The following TTLL13 variants were observed in gnomAD, a reference collection of about 807,000 sequenced individuals.
TTLL13 encodes the protein tubulin polyglutamylase TTLL13.
At chr15:90,256,711 T>C in the TTLL13 span, among the ~76,000 whole-genome samples, 24 of 151,612 alleles carry the variant, frequency 1.6e-4, no homozygotes, top group African/African-American at 5.6e-4. Flanking sequence ...TTTCTTTCGA[T>C]GGAGTCTCTC....
the TTLL13 span, chr15:90,256,237 C>T: frequency 1.4e-5 from 23 of 1,614,050 alleles, no homozygotes; most frequent in South Asian, 2.4e-4. Flanking sequence ...TCTTCATTAC[C>T]CGAAATCCCC....
chr15:90,264,729 C>A, the TTLL13 span: 15 of 1,535,968 alleles, frequency 9.8e-6, no homozygotes, highest in South Asian at 1.8e-4. Context: ...GAAGGACAAG[C>A]CAGCAGAAGG....
At chr15:90,260,153 A>G in the TTLL13 span, among the ~76,000 whole-genome samples, 1 of 152,220 alleles carries the variant, frequency 6.6e-6, no homozygotes, top group Admixed American at 6.5e-5. Flanking sequence ...ACAGTACTGG[A>G]CTAAATAAAC....
At chr15:90,262,073 G>C in the TTLL13 span, 7 of 1,536,024 alleles carry the variant, frequency 4.6e-6, no homozygotes, top group Non-Finnish European at 6.1e-6. Context: ...TTCTCACCTG[G>C]GAAAATACCG....
the TTLL13 span, among the ~76,000 whole-genome samples, chr15:90,255,496 G>T: frequency 6.6e-6 from 1 of 152,170 alleles, no homozygotes; most frequent in Admixed American, 6.5e-5. Flanking sequence ...CACAGTCTTG[G>T]CTAGTTACAT....
the TTLL13 span, chr15:90,263,102 A>T: frequency 6.5e-7 from 1 of 1,535,958 alleles, no homozygotes; most frequent in Non-Finnish European, 8.7e-7. Context: ...ACCCGTCTGC[A>T]GCACCCTGGC....
chr15:90,265,360 C>G, the TTLL13 span: 1 of 1,228,120 alleles, frequency 8.1e-7, no homozygotes, highest in Non-Finnish European at 1.0e-6. Context: ...AGAAGACTGC[C>G]GAGCGGAAGC....
At chr15:90,255,951 G>C in the TTLL13 span, 2 of 1,609,114 alleles carry the variant, frequency 1.2e-6, no homozygotes, top group Admixed American at 3.3e-5. Context: ...TCAGAGCTCT[G>C]GTCTTGTGAC....
At chr15:90,258,147 G>A in the TTLL13 span, 6 of 1,614,236 alleles carry the variant, frequency 3.7e-6, no homozygotes, top group South Asian at 3.3e-5. Flanking sequence ...AGCCCATTCT[G>A]TTCTACGCCA....
the TTLL13 span, chr15:90,264,181 G>A: frequency 1.5e-6 from 1 of 652,888 alleles, no homozygotes; most frequent in South Asian, 1.9e-5. Context: ...GGGAAGTTAG[G>A]GTACCCATTT....
chr15:90,261,882 C>T, the TTLL13 span: 1 of 751,712 alleles, frequency 1.3e-6, no homozygotes, highest in Non-Finnish European at 2.0e-6. Flanking sequence ...GCTTTCCCTA[C>T]TTGGGCAGGG....
chr15:90,255,631 G>A, the TTLL13 span: 36 of 1,425,138 alleles, frequency 2.5e-5, no homozygotes, highest in Non-Finnish European at 3.2e-5. Flanking sequence ...CCTTGGTGCA[G>A]TGCTTACCTC....
At chr15:90,257,414 C>T in the TTLL13 span, 2 of 1,340,550 alleles carry the variant, frequency 1.5e-6, no homozygotes, top group Non-Finnish European at 2.0e-6. Context: ...CAGCATCTAG[C>T]TGGGAGGCAA....
chr15:90,257,932 T>C, the TTLL13 span: 1 of 1,174,644 alleles, frequency 8.5e-7, no homozygotes, highest in Admixed American at 2.2e-5. Context: ...CTAGCAGCCC[T>C]TCAAAGCCCG....
the TTLL13 span, among the ~76,000 whole-genome samples, chr15:90,253,961 A>G: frequency 6.6e-6 from 1 of 152,226 alleles, no homozygotes; most frequent in South Asian, 2.1e-4. Flanking sequence ...CTGTCCCACA[A>G]CTAGTCTTGG....
At chr15:90,262,794 A>T in the TTLL13 span, 1 of 1,222,948 alleles carries the variant, frequency 8.2e-7, no homozygotes, top group Non-Finnish European at 1.1e-6. Context: ...CCTAATCAGT[A>T]AATTGAATCC....
the TTLL13 span, among the ~76,000 whole-genome samples, chr15:90,252,043 CTTT>C: frequency 7.5e-6 from 1 of 133,466 alleles, no homozygotes; most frequent in African/African-American, 2.7e-5. Context: ...TCACCTAATT[CTTT>C]TTTTTTTTTT....
the TTLL13 span, chr15:90,263,374 C>A: frequency 1.9e-6 from 1 of 516,686 alleles, no homozygotes; most frequent in Admixed American, 3.5e-5. Flanking sequence ...AGCTCCAAAC[C>A]TTCTCATTTA....
the TTLL13 span, chr15:90,251,521 C>G: frequency 1.9e-6 from 3 of 1,604,588 alleles, no homozygotes; most frequent in East Asian, 2.2e-5. Context: ...TTCCCTCCCA[C>G]TCTTCCTGAT....
Sources: gnomAD v4.1 joint callset for allele counts (sites outside exome capture counted in the v4.1 genomes callset) on GRCh38, gnomAD v4.1.1 for gene constraint, MANE v1.5 for transcripts, NCBI Gene and HGNC (gene_info 2026-07-23, HGNC 2026-07-21) for gene names.